Variants in USP32 observed in about 807,000 individuals in gnomAD.
USP32 encodes ubiquitin specific peptidase 32.
A neutral mutation model predicts 204.8 loss-of-function variants in USP32; 59 were observed. The ratio of observed to expected loss-of-function variants is 0.29; its 90% CI spans 0.23 to 0.36. USP32 has a LOEUF of 0.36. Among genes scored for constraint, USP32 ranks in the 10% least tolerant of loss-of-function variants. The probability of loss-of-function intolerance (pLI) is 1.00; values close to 1 mark genes in which losing one functional copy is unlikely to be tolerated. For missense variants in USP32, 1,160 were observed against 1,946.4 expected (o/e 0.60, Z 7.60); for synonymous variants, 517 against 678.4 (o/e 0.76, Z 3.70).
rs904631385 is a variant in USP32 at position 60,305,476 on chromosome 17, A to G, written c.187-3772T>C. 2.6e-5 allele frequency among the ~76,000 whole-genome samples: 4 copies of G among 152,200 alleles called. No individual in the cohort carries two copies. In the South Asian group the frequency reaches 8.3e-4, roughly 31 times the overall value. On this transcript the variant is annotated intron_variant, in intron 2 of 33. Transcript: ENST00000300896. The stretch of plus-strand genomic sequence containing the variant: ...ACACCTCCCACGAGGCCCCACCTCC[A>G]ACATTGGGGATCACATTTCAATATA...
chr17:60,390,225 G>C (rs2089806680), intron 1 of USP32, among the ~76,000 whole-genome samples: 1 of 152,170 alleles, frequency 6.6e-6, no homozygotes, highest in Admixed American at 6.5e-5. Flanking sequence ...AGATTAAGCA[G>C]GCTAGAGCTG....
chr17:60,245,792 C>T (rs1162658470), intron 11 of USP32: 2 of 151,264 alleles, frequency 1.3e-5, no homozygotes, highest in African/African-American at 2.4e-5. Flanking sequence ...AGACAGATTT[C>T]CTGGTAACAA....
At chr17:60,220,879 A>T (rs2145562871) in intron 15 of USP32, among the ~76,000 whole-genome samples, 1 of 151,660 alleles carries the variant, frequency 6.6e-6, no homozygotes, top group African/African-American at 2.4e-5. Context: ...CGATCTCCTG[A>T]CTTCGTGATC....
intron 16 of USP32, among the ~76,000 whole-genome samples, chr17:60,216,664 T>G (rs2085111807): frequency 6.6e-6 from 1 of 152,206 alleles, no homozygotes; most frequent in Non-Finnish European, 1.5e-5. Context: ...TTTAAGTAAT[T>G]GTAACTGTAA....
intron 9 of USP32, among the ~76,000 whole-genome samples, chr17:60,257,548 GGT>G (rs1246676129): frequency 6.6e-6 from 1 of 152,098 alleles, no homozygotes; most frequent in Non-Finnish European, 1.5e-5. Context: ...GGAGTGCAGT[GGT>G]GTGATCACAG....
chr17:60,265,098 A>G (rs1391631320), intron 9 of USP32, among the ~76,000 whole-genome samples: 1 of 152,196 alleles, frequency 6.6e-6, no homozygotes, highest in Admixed American at 6.5e-5. Flanking sequence ...TTTGCTCAAT[A>G]TAAGGTTAGC....
intron 1 of USP32, among the ~76,000 whole-genome samples, chr17:60,408,471 G>A (rs1427907688): frequency 2.6e-5 from 4 of 151,622 alleles, no homozygotes; most frequent in East Asian, 3.9e-4. Context: ...TCTGCCTCCC[G>A]GGTTCAATCG....
At chr17:60,321,200 T>C (rs2088104903) in intron 2 of USP32, among the ~76,000 whole-genome samples, 1 of 152,160 alleles carries the variant, frequency 6.6e-6, no homozygotes, top group African/African-American at 2.4e-5. Context: ...TAAGCCTAAA[T>C]TGCTTATCAA....
At chr17:60,421,057 T>TA (rs962723804) in intron 1 of USP32, among the ~76,000 whole-genome samples, 1 of 152,176 alleles carries the variant, frequency 6.6e-6, no homozygotes, top group African/African-American at 2.4e-5. Flanking sequence ...GCATGCACAT[T>TA]TAAACACTTT....
intron 1 of USP32, among the ~76,000 whole-genome samples, chr17:60,405,098 G>A (rs2089965171): frequency 6.6e-6 from 1 of 152,200 alleles, no homozygotes; most frequent in Non-Finnish European, 1.5e-5. Flanking sequence ...CAGGGAGGTA[G>A]AGGCTGCAGT....
chr17:60,345,319 C>A (rs530274666), intron 2 of USP32, among the ~76,000 whole-genome samples, 162 bp downstream of exon 2: 1 of 152,176 alleles, frequency 6.6e-6, no homozygotes, highest in African/African-American at 2.4e-5. Flanking sequence ...CCTCTAAGAA[C>A]ACAGCCACGT....
At chr17:60,268,892 G>A (rs933124817) in intron 7 of USP32, among the ~76,000 whole-genome samples, 1 of 152,108 alleles carries the variant, frequency 6.6e-6, no homozygotes, top group African/African-American at 2.4e-5. Flanking sequence ...ATATATTTGA[G>A]TTAGGTTCCA....
chr17:60,284,212 T>C (rs2087047076), intron 5 of USP32, among the ~76,000 whole-genome samples: 1 of 146,616 alleles, frequency 6.8e-6, no homozygotes. Flanking sequence ...ATTTTTTCTT[T>C]TCTTTTTTTT....
chr17:60,401,598 C>A lies in USP32; in HGVS notation c.106+20648G>T, dbSNP rs561145867. Among the ~76,000 whole-genome samples the A allele has an allele frequency of 1.5e-4, 22 of 151,466 alleles. No individual in the cohort carries two copies. In the South Asian group the frequency reaches 2.7e-3, roughly 19 times the overall value. The stretch of plus-strand genomic sequence containing the variant: ...AGGGTTAAAAGTAGACCTCTGGGGG[C>A]TGGGTGCAGTGGCTCACACCTGTAG... On this transcript the variant is annotated intron_variant, in intron 1 of 3. Coordinates refer to the USP32 transcript ENST00000588898.
intron 13 of USP32, 128 bp downstream of exon 13, chr17:60,225,911 G>A (rs1172757065): frequency 6.1e-6 from 6 of 981,432 alleles, no homozygotes; most frequent in African/African-American, 1.8e-5. Context: ...CAGAGATCGC[G>A]CCACTGCGCT....
In USP32 at chr17:60,178,837, T is replaced by A. The variant is rs2084029844; in HGVS notation, c.*418A>T. Among the ~76,000 whole-genome samples the A allele has an allele frequency of 1.3e-5, 2 of 152,264 alleles. No individual in the cohort carries two copies. Among genetic ancestry groups the A allele is most frequent in the Non-Finnish European group, 2.9e-5 (2 of 68,048 alleles). ...ACTTCAGGAAAAAGGAGGTAGCATA[T>A]CATGTCGTCCCTAGACAACATTATA... On this transcript the variant is annotated 3_prime_UTR_variant, in exon 34 of 34. Coordinates refer to ENST00000300896, the MANE Select transcript of USP32 (RefSeq NM_032582.4).
At position 60,249,615 on chromosome 17, in the gene USP32, G is replaced by T. The variant is rs1567801923; in HGVS notation, c.1136+2766C>A. On this transcript the variant is annotated intron_variant, in intron 11 of 33. Coordinates refer to ENST00000300896, the MANE Select transcript of USP32 (RefSeq NM_032582.4). Reference sequence around the variant, plus strand: ...ATCATGAATCAGACTGACAGCCCATGCAGACTTGCTGGATGGGAGGAAATG... The same window carrying T: ...ATCATGAATCAGACTGACAGCCCATTCAGACTTGCTGGATGGGAGGAAATG... 18 of 643,718 alleles carry T rather than the reference G, an allele frequency of 2.8e-5. No homozygotes were observed. The South Asian group carries it at 3.1e-4, about 11-fold the overall frequency. The allele number at this position is 643,718 out of a possible 1,614,324, so 39.9% of individuals were successfully genotyped here.
chr17:60,267,681 C>T lies in USP32; in HGVS notation c.812-1590G>A, dbSNP rs529782900. 9.8e-4 allele frequency among the ~76,000 whole-genome samples: 149 copies of T among 152,090 alleles called. 1 individual carries two copies. Among genetic ancestry groups the T allele is most frequent in the African/African-American group, 3.3e-3 (139 of 41,496 alleles). On this transcript the variant is annotated intron_variant, in intron 7 of 33. Coordinates refer to ENST00000300896, the MANE Select transcript of USP32 (RefSeq NM_032582.4). The stretch of plus-strand genomic sequence containing the variant: ...GACTATAGGTGTCCACCACCACGCC[C>T]GGCTAACTTTTGTATTTCTAGTAGA...
chr17:60,244,043 T>G (rs935765867), intron 11 of USP32, among the ~76,000 whole-genome samples: 2 of 139,632 alleles, frequency 1.4e-5, no homozygotes, highest in East Asian at 2.0e-4. Context: ...TTTTTTTTTT[T>G]TTTTTTTTTT....
Sources: allele counts gnomAD v4.1 joint callset (sites outside exome capture counted in the v4.1 genomes callset), GRCh38; gene constraint gnomAD v4.1.1; transcripts MANE v1.5; gene names NCBI Gene and HGNC (gene_info 2026-07-23, HGNC 2026-07-21).